Variants in INTS4 observed in about 807,000 individuals in gnomAD.
INTS4 encodes the protein MSTP093.
A neutral mutation model predicts 119.5 loss-of-function variants in INTS4; 70 were observed. The ratio of observed to expected loss-of-function variants is 0.59; its 90% CI spans 0.48 to 0.71. INTS4 has a LOEUF of 0.71. INTS4 is among the 30% of genes least tolerant of loss of function. The pLI, the probability that INTS4 is intolerant of heterozygous loss-of-function variation, is 0.00. For synonymous variants in INTS4, 316 were observed against 419.6 expected (o/e 0.75, Z 3.02); for missense variants, 867 against 1,173.2 (o/e 0.74, Z 3.81).
At chr11:77,972,718 T>C (rs1855780916) in intron 4 of INTS4, among the ~76,000 whole-genome samples, 1 of 152,044 alleles carries the variant, frequency 6.6e-6, no homozygotes, top group South Asian at 2.1e-4. Flanking sequence ...TGCCTGGACC[T>C]GACTCTCAAT....
intron 10 of INTS4, among the ~76,000 whole-genome samples, chr11:77,936,330 A>C (rs1481727806): frequency 6.6e-6 from 1 of 152,214 alleles, no homozygotes; most frequent in Non-Finnish European, 1.5e-5. Flanking sequence ...ACAAAGCTAG[A>C]GGAAAGATTA....
At chr11:77,936,736 AC>A (rs1310904906) in intron 10 of INTS4, among the ~76,000 whole-genome samples, 1 of 152,214 alleles carries the variant, frequency 6.6e-6, no homozygotes, top group Non-Finnish European at 1.5e-5. Flanking sequence ...AAAATCAAAC[AC>A]AAAGAGAAAA....
At chr11:77,921,863 T>A (rs1435605198) in intron 13 of INTS4, among the ~76,000 whole-genome samples, 1 of 152,078 alleles carries the variant, frequency 6.6e-6, no homozygotes, top group Non-Finnish European at 1.5e-5. Context: ...AAACCCCGTC[T>A]CTACTAAAAA....
At chr11:77,983,992 G>A (rs1856353469) in intron 2 of INTS4, among the ~76,000 whole-genome samples, 1 of 152,032 alleles carries the variant, frequency 6.6e-6, no homozygotes, top group African/African-American at 2.4e-5. Context: ...AGTATCCATT[G>A]GCAAATGAAA....
intron 15 of INTS4, among the ~76,000 whole-genome samples, chr11:77,914,109 C>T (rs1004548389): frequency 6.6e-6 from 1 of 152,216 alleles, no homozygotes; most frequent in Non-Finnish European, 1.5e-5. Flanking sequence ...ATCGCAGGTG[C>T]CCTCAGTGCT....
intron 14 of INTS4, among the ~76,000 whole-genome samples, chr11:77,920,230 T>TATATAC: frequency 2.7e-5 from 1 of 37,728 alleles, no homozygotes; most frequent in African/African-American, 8.5e-5. Context: ...CACATATACA[T>TATATAC]ACATATATAC....
rs1038011177 is a variant in INTS4, at chr11:77,924,663, T to C, written c.1514+87A>G. 2.4e-4 allele frequency: 307 copies of C among 1,303,036 alleles called. 1 individual carries two copies. Among genetic ancestry groups the C allele is most frequent in the Non-Finnish European group, 3.2e-4 (294 of 922,284 alleles). The allele number at this position is 1,303,036 out of a possible 1,614,324, so 80.7% of individuals were successfully genotyped here. A position where few individuals can be genotyped will look rare whatever the true frequency, so the allele number is the denominator to read the frequency against. On this transcript the variant is annotated intron_variant, in intron 12 of 22. Transcript: ENST00000534064. Reference sequence around the variant, plus strand: ...GGCAAAATTCAGGGCCGTACTATCCTCAATCTATAAGGACGGAACAAATGT... The same window carrying C: ...GGCAAAATTCAGGGCCGTACTATCCCCAATCTATAAGGACGGAACAAATGT...
chr11:77,917,135 CT>C (rs1391394044), intron 15 of INTS4, among the ~76,000 whole-genome samples: 1 of 152,078 alleles, frequency 6.6e-6, no homozygotes, highest in East Asian at 1.9e-4. Flanking sequence ...CATGGGCTCT[CT>C]AAGGGCAGAA....
rs1277603208 is a variant in INTS4, at chr11:77,921,769, G to A, written c.1631-296C>T. Reference sequence around the variant, plus strand: ...ATACTGGACAGGCATGGTGGCTCACGCCTGTAATCCCAACACTTTGGGAGG... The same window carrying A: ...ATACTGGACAGGCATGGTGGCTCACACCTGTAATCCCAACACTTTGGGAGG... On this transcript the variant is annotated intron_variant, in intron 13 of 22. Transcript: ENST00000534064. Among the ~76,000 whole-genome samples, 6 of 152,248 alleles carry A rather than the reference G, an allele frequency of 3.9e-5. 1 individual carries two copies. The East Asian group carries it at 7.7e-4, about 20-fold the overall frequency.
intron 2 of INTS4, chr11:77,987,733 G>A: frequency 2.3e-6 from 1 of 428,304 alleles, no homozygotes; most frequent in Non-Finnish European, 4.7e-6. Context: ...AATTAGCCGG[G>A]AGTGGTGGCA....
chr11:77,948,142 C>T (rs2136544690), intron 8 of INTS4, among the ~76,000 whole-genome samples: 1 of 152,184 alleles, frequency 6.6e-6, no homozygotes, highest in Middle Eastern at 3.4e-3. Flanking sequence ...AGCCACCACA[C>T]CAGCCTAACT....
intron 8 of INTS4, among the ~76,000 whole-genome samples, chr11:77,943,219 C>T (rs1307668278): frequency 1.3e-5 from 2 of 152,124 alleles, no homozygotes; most frequent in Admixed American, 6.5e-5. Context: ...AGAGGGAGTG[C>T]TATGCAAATT....
chr11:77,901,177 T>C (rs1376082019), intron 18 of INTS4, among the ~76,000 whole-genome samples: 1 of 152,224 alleles, frequency 6.6e-6, no homozygotes, highest in East Asian at 1.9e-4. Flanking sequence ...TGTTGTGCTA[T>C]ATGTAATGGA....
At chr11:77,970,641 T>C (rs1855692682) in intron 4 of INTS4, among the ~76,000 whole-genome samples, 1 of 151,212 alleles carries the variant, frequency 6.6e-6, no homozygotes, top group Non-Finnish European at 1.5e-5. Context: ...CCAGCCTGGG[T>C]AACATGCCAA....
intron 15 of INTS4, chr11:77,918,174 G>A (rs1352403086): frequency 1.6e-5 from 11 of 689,836 alleles, no homozygotes; most frequent in Non-Finnish European, 2.4e-5. Flanking sequence ...GCTCACGCCT[G>A]TAATTCCAGC....
intron 8 of INTS4, among the ~76,000 whole-genome samples, chr11:77,951,352 A>C (rs1314275655): frequency 2.6e-5 from 4 of 152,156 alleles, no homozygotes; most frequent in Admixed American, 6.5e-5. Flanking sequence ...CCTCAGAAAT[A>C]ATGCCGCATA....
intron 8 of INTS4, among the ~76,000 whole-genome samples, chr11:77,955,280 T>A (rs1157173356): frequency 6.6e-6 from 1 of 152,116 alleles, no homozygotes; most frequent in Admixed American, 6.6e-5. Context: ...AAGGCTGCAG[T>A]GAGCCGTGAC....
At chr11:77,973,941 T>C (rs762216344) in intron 4 of INTS4, among the ~76,000 whole-genome samples, 17 of 152,206 alleles carry the variant, frequency 1.1e-4, no homozygotes, top group Non-Finnish European at 1.6e-4. Flanking sequence ...TGGTAACTCA[T>C]AGAATGAGTT....
chr11:77,930,275 GT>G (rs1297100428), intron 10 of INTS4, among the ~76,000 whole-genome samples: 2 of 152,130 alleles, frequency 1.3e-5, no homozygotes, highest in Non-Finnish European at 2.9e-5. Flanking sequence ...ATAAAGAAAG[GT>G]TTTATAGACA....
Sources: allele counts gnomAD v4.1 joint callset (sites outside exome capture counted in the v4.1 genomes callset), GRCh38; gene constraint gnomAD v4.1.1; transcripts MANE v1.5; gene names NCBI Gene and HGNC (gene_info 2026-07-23, HGNC 2026-07-21).